Variants in CNTN6 observed in about 807,000 individuals in gnomAD.
CNTN6 encodes contactin-6.
A neutral mutation model predicts 122.8 loss-of-function variants in CNTN6; 137 were observed. That is an observed-to-expected ratio of 1.12 (90% confidence interval 0.97 to 1.29). The LOEUF (loss-of-function observed/expected upper bound fraction) is 1.29. Among genes scored for constraint, CNTN6 ranks in the 50% most tolerant of loss-of-function variants. The pLI is 0.00. For missense variants in CNTN6, 1,634 were observed against 1,223.4 expected, an observed-to-expected ratio of 1.34 and a Z score of -5.01; for synonymous variants, 570 against 426.0, an observed-to-expected ratio of 1.34 and a Z score of -4.16.
At chr3:1,192,602 G>A (rs991210593) in intron 2 of CNTN6, among the ~76,000 whole-genome samples, 2 of 151,954 alleles carry the variant, frequency 1.3e-5, no homozygotes, top group Non-Finnish European at 2.9e-5. Flanking sequence ...GTAAATAAAT[G>A]GAACCTAAGT....
At chr3:1,097,904 A>C (rs1038061742) in intron 1 of CNTN6, among the ~76,000 whole-genome samples, 1 of 152,176 alleles carries the variant, frequency 6.6e-6, no homozygotes, top group Admixed American at 6.5e-5. Context: ...CATCTAATCA[A>C]TTGTATTGGG....
At chr3:1,230,594 A>G (rs1422782655) in intron 4 of CNTN6, among the ~76,000 whole-genome samples, 3 of 152,196 alleles carry the variant, frequency 2.0e-5, no homozygotes, top group Non-Finnish European at 4.4e-5. Flanking sequence ...GTGCTTTGAC[A>G]TATATTATTT....
chr3:1,158,831 T>TAC (rs376341841), intron 2 of CNTN6, among the ~76,000 whole-genome samples: 30 of 123,588 alleles, frequency 2.4e-4, no homozygotes, highest in African/African-American at 1.0e-3. Flanking sequence ...CACATATATA[T>TAC]ACACACACAT....
intron 7 of CNTN6, among the ~76,000 whole-genome samples, chr3:1,313,416 C>G (rs9811180): frequency 0.034 from 5,190 of 152,154 alleles, 305 homozygotes; most frequent in African/African-American, 0.12. Flanking sequence ...AGGCAATTTA[C>G]TAAGCCTTAT....
At chr3:1,220,865 A>G (rs1402539912) in intron 3 of CNTN6, 52 bp downstream of exon 3, 1 of 1,530,938 alleles carries the variant, frequency 6.5e-7, no homozygotes, top group Admixed American at 2.1e-5. Flanking sequence ...TCACTGAACC[A>G]AAACATACAC....
At chr3:1,207,111 A>G (rs955522174) in intron 2 of CNTN6, among the ~76,000 whole-genome samples, 41 of 152,150 alleles carry the variant, frequency 2.7e-4, no homozygotes, top group Admixed American at 6.6e-5. Flanking sequence ...ATATTTCAGT[A>G]GAAAGTCTAA....
At chr3:1,113,875 A>G (rs980220919) in intron 1 of CNTN6, among the ~76,000 whole-genome samples, 6 of 152,106 alleles carry the variant, frequency 3.9e-5, no homozygotes, top group African/African-American at 1.4e-4. Context: ...CTCAAATGGT[A>G]GAGGAGAATC....
rs1368184417 is a variant in CNTN6 at position 1,268,928 on chromosome 3, C to G, written c.359-9485C>G. Among the ~76,000 whole-genome samples the G allele has an allele frequency of 2.6e-5, 4 of 152,046 alleles. No individual in the cohort carries two copies. The East Asian group carries it at 5.8e-4, about 22-fold the overall frequency. ...CCCAGAGATTTGAGGTTACAGTGAG[C>G]TATGATCAAGCCACTGCACTCCAGC... On this transcript the variant is annotated intron_variant, in intron 4 of 22. Coordinates refer to ENST00000446702, the MANE Select transcript of CNTN6 (RefSeq NM_001289080.2).
At chr3:1,154,448 C>CTTTTTTTTTTTTTTTTTT (rs771133835) in intron 2 of CNTN6, among the ~76,000 whole-genome samples, 5 of 140,476 alleles carry the variant, frequency 3.6e-5, no homozygotes, top group Non-Finnish European at 6.1e-5. Context: ...TCTTTTCTTT[C>CTTTTTTTTTTTTTTTTTT]TTTTTTTTTT....
chr3:1,263,693 T>C (rs1468950288), intron 4 of CNTN6, among the ~76,000 whole-genome samples: 1 of 152,116 alleles, frequency 6.6e-6, no homozygotes, highest in Non-Finnish European at 1.5e-5. Flanking sequence ...ATTAAACATG[T>C]TCTTGTTGAA....
chr3:1,245,333 T>TATAGATAG (rs2094568026), intron 4 of CNTN6, among the ~76,000 whole-genome samples: 4 of 87,400 alleles, frequency 4.6e-5, no homozygotes, highest in African/African-American at 1.7e-4. Flanking sequence ...TATATATATA[T>TATAGATAG]ATAGCATGGA....
At chr3:1,210,504 A>G (rs1024399764) in intron 2 of CNTN6, among the ~76,000 whole-genome samples, 2 of 152,150 alleles carry the variant, frequency 1.3e-5, no homozygotes, top group African/African-American at 4.8e-5. Flanking sequence ...CTTAAGCTCT[A>G]CAGGTTAAAG....
Position 1,263,033 on chromosome 3 carries a change from T to C in CNTN6, c.359-15380T>C, listed in dbSNP as rs184198853. On this transcript the variant is annotated intron_variant, in intron 4 of 22. Transcript: ENST00000446702. Reference sequence around the variant, plus strand: ...ATTTAGGGCCATTTGACATGTAGTTTTTAAACAAGTTACTTATTTCATTTA... The same window carrying C: ...ATTTAGGGCCATTTGACATGTAGTTCTTAAACAAGTTACTTATTTCATTTA... 1.1e-4 allele frequency among the ~76,000 whole-genome samples: 16 copies of C among 152,294 alleles called. No homozygotes were observed. In the East Asian group the frequency reaches 3.1e-3, roughly 29 times the overall value.
At chr3:1,329,764 T>G (rs754295406) in intron 10 of CNTN6, 21 bp from the exon 11 acceptor site, 1 of 1,597,578 alleles carries the variant, frequency 6.3e-7, no homozygotes, top group Non-Finnish European at 8.5e-7. Flanking sequence ...TAAACAATTT[T>G]GTCTTTGATT....
intron 13 of CNTN6, among the ~76,000 whole-genome samples, 173 bp from the exon 14 acceptor site, chr3:1,372,665 A>G (rs1709221077): frequency 6.6e-6 from 1 of 152,148 alleles, no homozygotes. Flanking sequence ...TTCTAGATGT[A>G]ATTATAATAA....
At chr3:1,399,761 C>T (rs1021531972) in intron 20 of CNTN6, among the ~76,000 whole-genome samples, 29 of 152,062 alleles carry the variant, frequency 1.9e-4, no homozygotes, top group Non-Finnish European at 3.7e-4. Flanking sequence ...TTGGATGTCT[C>T]CTATGTGCCA....
At chr3:1,104,321 T>G (rs188594697) in intron 1 of CNTN6, among the ~76,000 whole-genome samples, 1 of 152,216 alleles carries the variant, frequency 6.6e-6, no homozygotes, top group East Asian at 1.9e-4. Flanking sequence ...AAACATATAT[T>G]TACTAAGAAT....
At chr3:1,134,376 C>T (rs534722937) in intron 1 of CNTN6, among the ~76,000 whole-genome samples, 3 of 152,252 alleles carry the variant, frequency 2.0e-5, no homozygotes, top group African/African-American at 7.2e-5. Flanking sequence ...AGTGTTCTTT[C>T]CACTGAGCTA....
intron 4 of CNTN6, among the ~76,000 whole-genome samples, chr3:1,239,146 A>G (rs572609672): frequency 7.4e-4 from 113 of 152,298 alleles, no homozygotes; most frequent in African/African-American, 2.6e-3. Context: ...TCTATTCAAC[A>G]TAGTACTGGA....
Sources: gnomAD v4.1 joint callset for allele counts (sites outside exome capture counted in the v4.1 genomes callset) on GRCh38, gnomAD v4.1.1 for gene constraint, MANE v1.5 for transcripts, NCBI Gene and HGNC (gene_info 2026-07-23, HGNC 2026-07-21) for gene names.